Variants in RBMS3 observed in about 807,000 individuals in gnomAD.
The protein encoded by RBMS3 is RNA-binding motif, single-stranded-interacting protein 3.
A neutral mutation model predicts 66.8 loss-of-function variants in RBMS3; 27 were observed. The observed-to-expected ratio is 0.40, with a 90% CI of 0.30 to 0.56. The LOEUF (loss-of-function observed/expected upper bound fraction) is 0.56. RBMS3 is among the 20% of genes least tolerant of loss of function. The pLI is 0.40. For synonymous variants in RBMS3, 188 were observed against 183.0 expected (o/e 1.03, Z -0.22); for missense variants, 513 against 549.5 (o/e 0.93, Z 0.66).
At chr3:29,483,301 C>A (rs2043207223) in intron 2 of RBMS3, among the ~76,000 whole-genome samples, 1 of 130,352 alleles carries the variant, frequency 7.7e-6, no homozygotes, top group Non-Finnish European at 1.6e-5. Context: ...AGAGCAACTT[C>A]GTCTTAACAA....
intron 4 of RBMS3, among the ~76,000 whole-genome samples, chr3:29,678,907 A>T (rs1343985750): frequency 1.3e-5 from 2 of 152,134 alleles, no homozygotes; most frequent in African/African-American, 4.8e-5. Flanking sequence ...GACTGAGATG[A>T]TATAATCACC....
At chr3:29,361,858 C>T (rs2037610892) in intron 1 of RBMS3, among the ~76,000 whole-genome samples, 1 of 152,192 alleles carries the variant, frequency 6.6e-6, no homozygotes, top group Admixed American at 6.6e-5. Flanking sequence ...GAAGCTTGTG[C>T]ATTCATCACT....
chr3:29,453,095 C>T (rs2042066835), intron 2 of RBMS3, among the ~76,000 whole-genome samples: 1 of 152,192 alleles, frequency 6.6e-6, no homozygotes, highest in Non-Finnish European at 1.5e-5. Flanking sequence ...ATCCCCGCTG[C>T]TTCCCTTGCT....
rs185309820 is a variant in RBMS3, at chr3:29,830,498, C to T, written c.638-38360C>T. Among the ~76,000 whole-genome samples, 4 of 152,188 alleles carry T rather than the reference C, an allele frequency of 2.6e-5. No individual in the cohort carries two copies. In the East Asian group the frequency reaches 5.8e-4, roughly 22 times the overall value. On this transcript the variant is annotated intron_variant, in intron 6 of 14. Transcript: ENST00000383767. ...AACAAAAGAAAGAAATCTCAAAATA[C>T]GTGCCCTTTTGATTGTGGTTATGCA...
chr3:29,591,533 A>C (rs2047738035), intron 4 of RBMS3, among the ~76,000 whole-genome samples: 1 of 152,208 alleles, frequency 6.6e-6, no homozygotes, highest in South Asian at 2.1e-4. Flanking sequence ...TTGGTTATCC[A>C]ATCACATAAC....
intron 1 of RBMS3, among the ~76,000 whole-genome samples, chr3:29,359,836 A>T (rs1164819187): frequency 2.0e-5 from 3 of 152,142 alleles, no homozygotes; most frequent in Admixed American, 6.5e-5. Flanking sequence ...ATTTGCGTAG[A>T]GGTGTTTATA....
At chr3:29,989,736 A>G (rs535137079) in intron 13 of RBMS3, among the ~76,000 whole-genome samples, 1 of 152,366 alleles carries the variant, frequency 6.6e-6, no homozygotes, top group African/African-American at 2.4e-5. Context: ...AGAATGTGTC[A>G]TCTTAAACAG....
At chr3:29,609,759 A>G (rs1014451427) in intron 4 of RBMS3, among the ~76,000 whole-genome samples, 1 of 152,008 alleles carries the variant, frequency 6.6e-6, no homozygotes. Flanking sequence ...CTTCCCTTTT[A>G]AAATTTGTAT....
intron 2 of RBMS3, among the ~76,000 whole-genome samples, chr3:29,474,102 C>T (rs562079247): frequency 1.3e-5 from 2 of 152,388 alleles, no homozygotes; most frequent in East Asian, 1.9e-4. Context: ...CGCCCAGCGC[C>T]TCTTCTAATT....
At chr3:29,706,789 C>T (rs143509015) in intron 4 of RBMS3, among the ~76,000 whole-genome samples, 1 of 152,246 alleles carries the variant, frequency 6.6e-6, no homozygotes, top group African/African-American at 2.4e-5. Flanking sequence ...CCTTTGTGCA[C>T]AGGATATTTT....
At chr3:29,578,152 A>G (rs1318361138) in intron 3 of RBMS3, among the ~76,000 whole-genome samples, 1 of 152,198 alleles carries the variant, frequency 6.6e-6, no homozygotes, top group Non-Finnish European at 1.5e-5. Context: ...TCCCTAATAC[A>G]TAGAATAGTG....
At chr3:29,399,953 A>T (rs781329618) in intron 1 of RBMS3, among the ~76,000 whole-genome samples, 1 of 152,084 alleles carries the variant, frequency 6.6e-6, no homozygotes, top group Non-Finnish European at 1.5e-5. Context: ...AACTGTAGGG[A>T]TCAAATTCTA....
Position 29,808,021 on chromosome 3 carries a change from AC to A in RBMS3, c.637+45033del, listed in dbSNP as rs571475850. Among the ~76,000 whole-genome samples the A allele has an allele frequency of 2.0e-5, 3 of 152,050 alleles. No homozygotes were observed. The East Asian group carries it at 5.8e-4, about 29-fold the overall frequency. On this transcript the variant is annotated intron_variant, in intron 6 of 14. Transcript: ENST00000383767. ...TCAAAGCTGTGGTAACCCACATACC[AC>A]ATTGATTGGGTGGATTACTTCTCCA...
At chr3:29,807,412 G>T (rs1359038557) in intron 6 of RBMS3, among the ~76,000 whole-genome samples, 3 of 151,988 alleles carry the variant, frequency 2.0e-5, no homozygotes, top group East Asian at 3.9e-4. Flanking sequence ...AGACGATTTT[G>T]CACTGTGTAT....
chr3:29,345,410 A>G (rs1180356444), intron 1 of RBMS3, among the ~76,000 whole-genome samples: 3 of 152,174 alleles, frequency 2.0e-5, no homozygotes, highest in Non-Finnish European at 4.4e-5. Context: ...TCTACATTCT[A>G]GCAGTTTAAA....
chr3:29,615,181 C>T (rs1463786364), intron 4 of RBMS3: 1 of 152,448 alleles, frequency 6.6e-6, no homozygotes, highest in African/African-American at 2.4e-5. Flanking sequence ...TAACTGGTTC[C>T]AGTTGGAAGC....
chr3:29,642,043 C>T (rs976989688), intron 4 of RBMS3, among the ~76,000 whole-genome samples: 14 of 152,048 alleles, frequency 9.2e-5, no homozygotes, highest in Non-Finnish European at 1.9e-4. Context: ...ACTCCAGTTC[C>T]ACTTGTTAAA....
chr3:29,583,920 A>G (rs2047419578), intron 3 of RBMS3, among the ~76,000 whole-genome samples: 1 of 151,592 alleles, frequency 6.6e-6, no homozygotes, highest in South Asian at 2.1e-4. Flanking sequence ...CACACAGACA[A>G]CCATAGCATC....
intron 4 of RBMS3, among the ~76,000 whole-genome samples, chr3:29,595,602 A>G (rs1472523743): frequency 6.6e-6 from 1 of 152,092 alleles, no homozygotes; most frequent in Non-Finnish European, 1.5e-5. Flanking sequence ...AGGAAAAGGT[A>G]TTTTCTCTAA....
Sources: allele counts gnomAD v4.1 joint callset (sites outside exome capture counted in the v4.1 genomes callset), GRCh38; gene constraint gnomAD v4.1.1; transcripts MANE v1.5; gene names NCBI Gene and HGNC (gene_info 2026-07-23, HGNC 2026-07-21).